CAB39L: variants seen among roughly 807,000 people sequenced by gnomAD.
CAB39L encodes calcium-binding protein 39-like.
In CAB39L, 23 loss-of-function variants were observed where a neutral mutation model predicts 39.1. The observed-to-expected ratio is 0.59, with a 90% confidence interval of 0.42 to 0.83. The LOEUF (loss-of-function observed/expected upper bound fraction) is 0.83. Among genes scored for constraint, CAB39L ranks in the 40% least tolerant of loss-of-function variants. The probability of loss-of-function intolerance (pLI) is 0.00; values close to 1 mark genes in which losing one functional copy is unlikely to be tolerated. For synonymous variants in CAB39L, 126 were observed against 137.2 expected, an observed-to-expected ratio of 0.92 and a Z score of 0.57; for missense variants, 366 against 391.9, an observed-to-expected ratio of 0.93 and a Z score of 0.56.
intron 5 of CAB39L, among the ~76,000 whole-genome samples, chr13:49,374,192 G>A (rs1050245775): frequency 1.4e-4 from 22 of 152,028 alleles, no homozygotes; most frequent in Admixed American, 6.6e-4. Flanking sequence ...TATGTGTCAC[G>A]TCAATTGAAT....
intron 3 of CAB39L, among the ~76,000 whole-genome samples, chr13:49,412,260 T>C (rs1310717454): frequency 2.6e-5 from 4 of 151,986 alleles, no homozygotes; most frequent in East Asian, 1.9e-4. Flanking sequence ...CATAAACAAA[T>C]CAGAATTTAA....
intron 10 of CAB39L, among the ~76,000 whole-genome samples, chr13:49,324,915 A>T (rs1177013720): frequency 6.6e-6 from 1 of 152,202 alleles, no homozygotes; most frequent in East Asian, 1.9e-4. Flanking sequence ...AGCAACTTAA[A>T]TTTTTTTATG....
intron 4 of CAB39L, among the ~76,000 whole-genome samples, chr13:49,381,816 A>C (rs1956258313): frequency 6.6e-6 from 1 of 152,248 alleles, no homozygotes; most frequent in Admixed American, 6.5e-5. Context: ...CAACAATGCT[A>C]TGAACATTCT....
rs1459404701 is a variant in CAB39L at position 49,310,738 on chromosome 13, G to A, written c.*76C>T. 3.0e-5 allele frequency: 44 copies of A among 1,467,790 alleles called. No individual in the cohort carries two copies. The East Asian group carries it at 1.0e-3, about 34-fold the overall frequency. 90.9% of individuals were successfully genotyped at this position (1,467,790 alleles called of 1,614,324 possible). A position where few individuals can be genotyped will look rare whatever the true frequency, so the allele number is the denominator to read the frequency against. Reference sequence around the variant, plus strand: ...GCACCTCCAAAGTCTTCCCAAGAATGATGACTTTCTGAAATGACACACTGT... The same window carrying A: ...GCACCTCCAAAGTCTTCCCAAGAATAATGACTTTCTGAAATGACACACTGT... On this transcript the variant is annotated 3_prime_UTR_variant, in exon 11 of 11. Transcript: ENST00000409308.
At chr13:49,435,452 A>G (rs1957393722) in intron 1 of CAB39L, among the ~76,000 whole-genome samples, 1 of 152,202 alleles carries the variant, frequency 6.6e-6, no homozygotes, top group Non-Finnish European at 1.5e-5. Flanking sequence ...TTGTTGAAAA[A>G]TGCTTTAACA....
At chr13:49,355,637 A>G (rs1057062978) in intron 6 of CAB39L, among the ~76,000 whole-genome samples, 6 of 152,178 alleles carry the variant, frequency 3.9e-5, no homozygotes, top group African/African-American at 1.4e-4. Context: ...GATATCACCT[A>G]GAAGGGGCCA....
intron 9 of CAB39L, 26 bp downstream of exon 9, chr13:49,339,651 A>G (rs951489173): frequency 1.9e-6 from 3 of 1,543,062 alleles, no homozygotes; most frequent in Non-Finnish European, 1.7e-6. Flanking sequence ...TTACGGGGAC[A>G]CTGACTTAAA....
At chr13:49,339,640 C>A in intron 9 of CAB39L, 37 bp downstream of exon 9, 2 of 1,524,432 alleles carry the variant, frequency 1.3e-6, no homozygotes, top group Non-Finnish European at 1.8e-6. Context: ...GAGATATAAA[C>A]TTACGGGGAC....
At chr13:49,380,563 G>A (rs1956232743) in intron 4 of CAB39L, among the ~76,000 whole-genome samples, 2 of 152,118 alleles carry the variant, frequency 1.3e-5, no homozygotes, top group South Asian at 4.1e-4. Flanking sequence ...TGATGAAAAT[G>A]TTCTAGAATT....
At chr13:49,401,940 G>T (rs958373248) in intron 3 of CAB39L, among the ~76,000 whole-genome samples, 1 of 152,058 alleles carries the variant, frequency 6.6e-6, no homozygotes, top group Non-Finnish European at 1.5e-5. Flanking sequence ...AAAAAGCAAG[G>T]AAGGTTTTAG....
chr13:49,339,221 C>T (rs1954934155), intron 9 of CAB39L, among the ~76,000 whole-genome samples: 1 of 150,732 alleles, frequency 6.6e-6, no homozygotes, highest in African/African-American at 2.4e-5. Context: ...ACCTCCACCT[C>T]CCAGGTTCAA....
At chr13:49,327,242 ACTT>A (rs1031663758) in intron 10 of CAB39L, among the ~76,000 whole-genome samples, 1 of 151,882 alleles carries the variant, frequency 6.6e-6, no homozygotes. Context: ...TCTCTTCCCT[ACTT>A]CTTCTCCTGA....
Position 49,412,189 on chromosome 13 carries a change from G to T in CAB39L, c.-32+21129C>A, listed in dbSNP as rs76951942. On this transcript the variant is annotated intron_variant, in intron 3 of 10. Coordinates refer to ENST00000409308, the MANE Select transcript of CAB39L (RefSeq NM_001079670.3). ...TATATAGACATACAGGTAGGTGAGG[G>T]TGTTGTTTTTTGTTTTTGTTTTGCT... is the stretch of plus-strand genomic sequence containing the variant. 3.3e-3 allele frequency among the ~76,000 whole-genome samples: 506 copies of T among 152,162 alleles called. 4 individuals carry two copies. Among genetic ancestry groups the T allele is most frequent in the Admixed American group, 0.013 (201 of 15,282 alleles).
chr13:49,348,499 C>T (rs536821818), intron 7 of CAB39L, among the ~76,000 whole-genome samples: 1 of 152,106 alleles, frequency 6.6e-6, no homozygotes. Context: ...GCCTGGGAGG[C>T]TGAGGCTGCA....
chr13:49,388,765 C>T (rs1447509699), intron 3 of CAB39L, among the ~76,000 whole-genome samples: 1 of 151,868 alleles, frequency 6.6e-6, no homozygotes, highest in Non-Finnish European at 1.5e-5. Context: ...AATAAGGATT[C>T]AACTAAAGAA....
chr13:49,353,118 A>G (rs1955400376), intron 6 of CAB39L, among the ~76,000 whole-genome samples: 1 of 152,234 alleles, frequency 6.6e-6, no homozygotes, highest in Non-Finnish European at 1.5e-5. Flanking sequence ...TGAATAACTC[A>G]TAGTAACATT....
At chr13:49,325,140 G>A (rs1954460204) in intron 10 of CAB39L, among the ~76,000 whole-genome samples, 1 of 152,184 alleles carries the variant, frequency 6.6e-6, no homozygotes, top group Non-Finnish European at 1.5e-5. Context: ...ACATAGAGTT[G>A]ATTGTTTTAT....
intron 10 of CAB39L, among the ~76,000 whole-genome samples, chr13:49,329,544 AATATATATATATATATAT>A (rs1179579885): frequency 0.028 from 944 of 33,742 alleles, 46 homozygotes; most frequent in South Asian, 0.065. Flanking sequence ...TAAAAAAAAA[AATATATATATATATATAT>A]ATATATATAT....
At chr13:49,368,906 A>C (rs1216155795) in intron 5 of CAB39L, among the ~76,000 whole-genome samples, 1 of 152,168 alleles carries the variant, frequency 6.6e-6, no homozygotes, top group Admixed American at 6.5e-5. Context: ...GGAAATGAGA[A>C]AAGAAGGCGG....
Sources: gnomAD v4.1 joint callset for allele counts (sites outside exome capture counted in the v4.1 genomes callset) on GRCh38, gnomAD v4.1.1 for gene constraint, MANE v1.5 for transcripts, NCBI Gene and HGNC (gene_info 2026-07-23, HGNC 2026-07-21) for gene names.